Variants in RBFOX1 observed in about 807,000 individuals in gnomAD.
The protein encoded by RBFOX1 is RNA binding fox-1 homolog 1.
Under a neutral mutation model 57.7 loss-of-function variants are expected in RBFOX1, and 8 were observed. The ratio of observed to expected loss-of-function variants is 0.14; its 90% CI spans 0.08 to 0.25. The LOEUF is 0.25. Among genes scored for constraint, RBFOX1 ranks in the 10% least tolerant of loss-of-function variants. The probability of loss-of-function intolerance (pLI) is 1.00; values close to 1 mark genes in which losing one functional copy is unlikely to be tolerated. For synonymous variants in RBFOX1, 326 were observed against 222.4 expected, an observed-to-expected ratio of 1.47 and a Z score of -4.15; for missense variants, 611 against 548.5, an observed-to-expected ratio of 1.11 and a Z score of -1.14.
chr16:7,076,151 C>A (rs1243623709), intron 4 of RBFOX1, among the ~76,000 whole-genome samples: 1 of 151,818 alleles, frequency 6.6e-6, no homozygotes, highest in Non-Finnish European at 1.5e-5. Context: ...AAGTGATTCC[C>A]CTGCCTCAGC....
chr16:7,050,125 C>T (rs936039753), intron 3 of RBFOX1, among the ~76,000 whole-genome samples: 3 of 149,826 alleles, frequency 2.0e-5, no homozygotes, highest in African/African-American at 4.9e-5. Flanking sequence ...TATAAAGTCA[C>T]CTATTTCAGG....
At chr16:6,416,386 C>G (rs892558848) in intron 2 of RBFOX1, among the ~76,000 whole-genome samples, 1 of 152,168 alleles carries the variant, frequency 6.6e-6, no homozygotes, top group African/African-American at 2.4e-5. Context: ...GTCGCTTCTC[C>G]ATGGGGAAAT....
intron 3 of RBFOX1, among the ~76,000 whole-genome samples, chr16:6,816,316 C>T (rs1183308482): frequency 1.3e-5 from 2 of 152,196 alleles, no homozygotes; most frequent in East Asian, 1.9e-4. Context: ...TGCAATCAAT[C>T]ATTCAGTCAA....
At chr16:6,290,797 T>C (rs2077391049) in intron 1 of RBFOX1, among the ~76,000 whole-genome samples, 1 of 152,186 alleles carries the variant, frequency 6.6e-6, no homozygotes, top group East Asian at 1.9e-4. Flanking sequence ...AGTAAGTTCT[T>C]CTTGATACCA....
intron 4 of RBFOX1, chr16:7,510,010 A>G (rs1186984289): frequency 4.1e-6 from 1 of 240,966 alleles, no homozygotes; most frequent in African/African-American, 2.4e-5. Context: ...TCATCTGCTC[A>G]GTGGTGCGCT....
At chr16:6,501,888 A>G (rs930626043) in intron 2 of RBFOX1, among the ~76,000 whole-genome samples, 1 of 152,166 alleles carries the variant, frequency 6.6e-6, no homozygotes, top group Admixed American at 6.5e-5. Flanking sequence ...TTACTTGTTC[A>G]TAGATTCATG....
At chr16:7,385,994 T>C (rs1366929641) in intron 4 of RBFOX1, among the ~76,000 whole-genome samples, 1 of 151,550 alleles carries the variant, frequency 6.6e-6, no homozygotes, top group Non-Finnish European at 1.5e-5. Context: ...TTTCACCATG[T>C]TGGCCAGGCT....
chr16:6,920,997 C>A (rs774578727), intron 3 of RBFOX1, among the ~76,000 whole-genome samples: 7 of 152,128 alleles, frequency 4.6e-5, no homozygotes, highest in Non-Finnish European at 8.8e-5. Flanking sequence ...TAAGTTTGCC[C>A]TTGTTTGACT....
intron 3 of RBFOX1, among the ~76,000 whole-genome samples, chr16:6,778,544 G>T (rs2079780299): frequency 6.6e-6 from 1 of 152,014 alleles, no homozygotes; most frequent in South Asian, 2.1e-4. Context: ...TCGCTGTTCA[G>T]ATTTTCCCAG....
chr16:7,683,665 G>A (rs1245886499), intron 14 of RBFOX1, among the ~76,000 whole-genome samples: 1 of 152,024 alleles, frequency 6.6e-6, no homozygotes, highest in African/African-American at 2.4e-5. Context: ...TTAGGTCGCA[G>A]ATCATTGACT....
At chr16:5,565,090 T>C (rs748753211) in intron 2 of RBFOX1, among the ~76,000 whole-genome samples, 4 of 152,118 alleles carry the variant, frequency 2.6e-5, no homozygotes, top group Admixed American at 6.5e-5. Flanking sequence ...GTCAAGAAAA[T>C]GGGAACACGT....
chr16:6,349,052 G>T (rs1009396424), intron 2 of RBFOX1, among the ~76,000 whole-genome samples: 2 of 152,162 alleles, frequency 1.3e-5, no homozygotes, highest in Admixed American at 6.5e-5. Flanking sequence ...TCATGGAAAA[G>T]AATAACTGTT....
At chr16:5,699,955 CCTGAGTAGCTGGGACTA>C (rs1003858142) in intron 3 of RBFOX1, among the ~76,000 whole-genome samples, 4 of 152,158 alleles carry the variant, frequency 2.6e-5, no homozygotes, top group African/African-American at 9.7e-5. Flanking sequence ...TGCTCAGCCT[CCTGAGTAGCTGGGACTA>C]CAGGCGCCCG....
Position 6,019,314 on chromosome 16 carries a change from C to G in RBFOX1, c.-805C>G. The G allele has an allele frequency of 3.0e-6, 3 of 985,248 alleles. No individual in the cohort carries two copies. The highest frequency in any genetic ancestry group is 3.6e-6 in the Non-Finnish European group (3 of 830,192). 61.0% of individuals were successfully genotyped at this position (985,248 alleles called of 1,614,324 possible). On this transcript the variant is annotated 5_prime_UTR_variant, in exon 1 of 16. Coordinates refer to ENST00000550418, the MANE Select transcript of RBFOX1 (RefSeq NM_018723.4). The surrounding 1 kb of genome is among the most constrained non-coding windows in gnomAD (Gnocchi z 4.2). ...TTTGAAGGTCACCTCCTTTCCAGTC[C>G]CCGTGCGAGCCGCGCTGCCGCCGCC...
intron 2 of RBFOX1, among the ~76,000 whole-genome samples, chr16:5,528,484 G>A (rs2044330140): frequency 1.3e-5 from 2 of 151,998 alleles, no homozygotes; most frequent in Non-Finnish European, 1.5e-5. Flanking sequence ...ACTGCCTAAA[G>A]CGACAATGGC....
At chr16:5,949,697 G>C (rs966105589) in intron 4 of RBFOX1, among the ~76,000 whole-genome samples, 2 of 151,996 alleles carry the variant, frequency 1.3e-5, no homozygotes, top group Admixed American at 1.3e-4. Flanking sequence ...TTGTTTTGTA[G>C]AACAGCAGTT....
intron 2 of RBFOX1, among the ~76,000 whole-genome samples, chr16:6,508,270 C>T (rs2096161721): frequency 6.6e-6 from 1 of 152,078 alleles, no homozygotes; most frequent in East Asian, 1.9e-4. Flanking sequence ...GGGTACTAGC[C>T]TTATTACCTG....
At chr16:7,017,515 CTG>C (rs1369559723) in intron 3 of RBFOX1, among the ~76,000 whole-genome samples, 1 of 152,154 alleles carries the variant, frequency 6.6e-6, no homozygotes, top group Non-Finnish European at 1.5e-5. Context: ...ACTCAGGAGT[CTG>C]CGTTTGGAAG....
At chr16:7,296,918 C>A (rs796965257) in intron 4 of RBFOX1, among the ~76,000 whole-genome samples, 19 of 152,242 alleles carry the variant, frequency 1.2e-4, no homozygotes, top group African/African-American at 3.4e-4. Flanking sequence ...TGTTTACCCT[C>A]AAAAATGTGA....
Sources: allele counts gnomAD v4.1 joint callset (sites outside exome capture counted in the v4.1 genomes callset), GRCh38; gene constraint gnomAD v4.1.1; non-coding constraint Gnocchi (gnomAD v3.1); transcripts MANE v1.5; gene names NCBI Gene and HGNC (gene_info 2026-07-23, HGNC 2026-07-21).